Variants in PSD2 observed in about 807,000 individuals in gnomAD.
PSD2 encodes pleckstrin and Sec7 domain containing 2, also known as PH and SEC7 domain-containing protein 2.
PSD2 carries 38 observed loss-of-function variants against 69.8 expected under a neutral mutation model. The observed-to-expected ratio is 0.54, with a 90% CI of 0.42 to 0.71. The LOEUF (loss-of-function observed/expected upper bound fraction) is 0.71. Ranked by LOEUF, PSD2 falls within the 30% of genes least tolerant of loss-of-function variation. PSD2 has a pLI of 0.00. For synonymous variants in PSD2, 412 were observed against 423.0 expected (o/e 0.97, Z 0.32); for missense variants, 943 against 1,014.5 (o/e 0.93, Z 0.96).
chr5:139,778,945 C>CAAAAAAAAAAAAAAAAA, the PSD2 span, among the ~76,000 whole-genome samples: 96 of 99,386 alleles, frequency 9.7e-4, no homozygotes, highest in Non-Finnish European at 1.3e-3. Flanking sequence ...AGAAAAAAAA[C>CAAAAAAAAAAAAAAAAA]AAAAAAAAAA....
At position 139,843,758 on chromosome 5, in the gene PSD2, A is replaced by G. The variant is rs916187167; in HGVS notation, c.*1284A>G. The G allele has an allele frequency of 6.6e-6, 1 of 152,242 alleles. No individual in the cohort carries two copies. The highest frequency in any genetic ancestry group is 2.4e-5 in the African/African-American group (1 of 41,472). 9.4% of individuals were successfully genotyped at this position (152,242 alleles called of 1,614,324 possible). On this transcript the variant is annotated 3_prime_UTR_variant, in exon 15 of 15. Coordinates refer to ENST00000274710, the MANE Select transcript of PSD2 (RefSeq NM_032289.4). ...GAAATTTGCCACTTGACGATCACGG[A>G]TTAGCTAGCACCTTTAAGCCCTGCA...
the PSD2 span, among the ~76,000 whole-genome samples, chr5:139,765,360 C>A: frequency 6.6e-6 from 1 of 152,112 alleles, no homozygotes; most frequent in African/African-American, 2.4e-5. Flanking sequence ...TAAATAGCCC[C>A]CAGGGACCAC....
At chr5:139,821,507 G>C (rs1760259744) in intron 5 of PSD2, among the ~76,000 whole-genome samples, 1 of 152,206 alleles carries the variant, frequency 6.6e-6, no homozygotes, top group African/African-American at 2.4e-5. Context: ...GGATGACTGA[G>C]GAGGAGCATT....
chr5:139,825,913 G>T (rs767682339), intron 7 of PSD2, among the ~76,000 whole-genome samples: 8 of 152,168 alleles, frequency 5.3e-5, no homozygotes, highest in Non-Finnish European at 1.2e-4. Flanking sequence ...CCAAGTCCTG[G>T]GGCTCAGCGT....
chr5:139,835,801 A>G (rs62383878), intron 9 of PSD2, 35 bp downstream of exon 9: 1 of 1,606,920 alleles, frequency 6.2e-7, no homozygotes, highest in East Asian at 2.2e-5. Context: ...TATGGGGAGC[A>G]TACATCCCTG....
At chr5:139,836,683 C>T in intron 9 of PSD2, 128 bp from the exon 10 acceptor site, 1 of 751,418 alleles carries the variant, frequency 1.3e-6, no homozygotes. Flanking sequence ...ATCTCTTCAT[C>T]TCTGCCTCCT....
chr5:139,763,043 ATT>A, the PSD2 span, among the ~76,000 whole-genome samples: 4 of 152,234 alleles, frequency 2.6e-5, no homozygotes, highest in South Asian at 8.3e-4. Context: ...AAGGAAAAAA[ATT>A]AGGCTAACCT....
At chr5:139,838,491 C>T (rs1255254018) in intron 12 of PSD2, 137 bp from the exon 13 acceptor site, 13 of 932,402 alleles carry the variant, frequency 1.4e-5, no homozygotes, top group Non-Finnish European at 2.0e-5. Flanking sequence ...CATGTGTCCT[C>T]CCTCTCCCCT....
intron 5 of PSD2, among the ~76,000 whole-genome samples, chr5:139,821,252 G>A (rs1369954402): frequency 6.6e-6 from 1 of 152,206 alleles, no homozygotes; most frequent in African/African-American, 2.4e-5. Flanking sequence ...ATTTTAAGCA[G>A]TGGTAAGTCC....
At chr5:139,747,658 C>T in the PSD2 span, among the ~76,000 whole-genome samples, 1 of 152,224 alleles carries the variant, frequency 6.6e-6, no homozygotes, top group Admixed American at 6.5e-5. This position sits in a 1 kb window ranked among gnomAD's most constrained non-coding sequence, Gnocchi z 6.7. Context: ...ACGTGGGGGC[C>T]GGCGTGAGAA....
chr5:139,791,613 GAAAACAA>G (rs950679786), upstream of PSD2, among the ~76,000 whole-genome samples: 48 of 151,012 alleles, frequency 3.2e-4, no homozygotes, highest in African/African-American at 9.7e-4. Context: ...CCCTCTCTCA[GAAAACAA>G]AAAACAAAAA....
At position 139,833,653 on chromosome 5, in the gene PSD2, A is replaced by G. The variant is rs765069246; in HGVS notation, c.1270-49A>G. On this transcript the variant is annotated intron_variant, in intron 7 of 14. Transcript: ENST00000274710. ...GGGCAGGGCAGGGTGTGTGGGGAAC[A>G]CACCAGCCTCCTTCCCTACTCTTAG... 3.6e-6 allele frequency: 5 copies of G among 1,392,440 alleles called. No individual in the cohort carries two copies. In the African/African-American group the frequency reaches 7.1e-5, roughly 20 times the overall value. 86.3% of individuals were successfully genotyped at this position (1,392,440 alleles called of 1,614,324 possible). A position where few individuals can be genotyped will look rare whatever the true frequency, so the allele number is the denominator to read the frequency against.
At chr5:139,745,495 C>A in the PSD2 span, among the ~76,000 whole-genome samples, 2 of 152,312 alleles carry the variant, frequency 1.3e-5, no homozygotes, top group Non-Finnish European at 1.5e-5. Flanking sequence ...AATGGCAACC[C>A]CAGGGGGCCC....
the PSD2 span, among the ~76,000 whole-genome samples, chr5:139,778,945 C>CAA: frequency 1.1e-4 from 11 of 99,904 alleles, no homozygotes; most frequent in African/African-American, 2.6e-4. Flanking sequence ...AGAAAAAAAA[C>CAA]AAAAAAAAAA....
chr5:139,821,697 G>C (rs1760263519), intron 5 of PSD2, among the ~76,000 whole-genome samples, 196 bp from the exon 6 acceptor site: 1 of 152,182 alleles, frequency 6.6e-6, no homozygotes, highest in African/African-American at 2.4e-5. Context: ...AGCTTACCAG[G>C]TCCCCTGGCC....
At chr5:139,797,510 T>A (rs970369549) in intron 1 of PSD2, among the ~76,000 whole-genome samples, 6 of 152,186 alleles carry the variant, frequency 3.9e-5, no homozygotes, top group Admixed American at 6.5e-5. Context: ...CTTGTCCTGG[T>A]CTGACAACTA....
intron 5 of PSD2, among the ~76,000 whole-genome samples, chr5:139,821,428 T>G (rs556364141): frequency 1.3e-5 from 2 of 152,012 alleles, no homozygotes; most frequent in South Asian, 4.2e-4. Flanking sequence ...AACTCAAACT[T>G]GGGGTAGGGG....
At chr5:139,755,635 C>CTGTGTG in the PSD2 span, among the ~76,000 whole-genome samples, 142 of 146,436 alleles carry the variant, frequency 9.7e-4, no homozygotes, top group African/African-American at 3.2e-3. Flanking sequence ...TGCGGCCCTG[C>CTGTGTG]TGTGTGTGTG....
chr5:139,833,828 G>T, intron 8 of PSD2, 37 bp downstream of exon 8: 1 of 1,452,038 alleles, frequency 6.9e-7, no homozygotes, highest in East Asian at 2.3e-5. Context: ...CACTAGCTGT[G>T]CCCTGAATGG....
Sources: allele counts gnomAD v4.1 joint callset (sites outside exome capture counted in the v4.1 genomes callset), GRCh38; gene constraint gnomAD v4.1.1; non-coding constraint Gnocchi (gnomAD v3.1); transcripts MANE v1.5; gene names NCBI Gene and HGNC (gene_info 2026-07-23, HGNC 2026-07-21).